NUDT19: variants seen among roughly 807,000 people sequenced by gnomAD.
NUDT19 encodes the protein acyl-coenzyme A diphosphatase NUDT19.
A neutral mutation model predicts 22.2 loss-of-function variants in NUDT19; 31 were observed. The ratio of observed to expected loss-of-function variants is 1.40; its 90% CI spans 1.05 to 1.89. NUDT19 has a LOEUF of 1.89. NUDT19 is among the 40% of genes most tolerant of loss of function. The probability of loss-of-function intolerance (pLI) is 0.00; values close to 1 mark genes in which losing one functional copy is unlikely to be tolerated. For missense variants in NUDT19, 752 were observed against 514.2 expected, an observed-to-expected ratio of 1.46 and a Z score of -4.47; for synonymous variants, 325 against 230.8, an observed-to-expected ratio of 1.41 and a Z score of -3.70.
intron 1 of NUDT19, 25 bp from the exon 2 acceptor site, chr19:32,709,160 G>C (rs748857899): frequency 1.9e-5 from 29 of 1,550,058 alleles, no homozygotes; most frequent in Non-Finnish European, 2.6e-5. Flanking sequence ...TAAACCTTAA[G>C]AAACCCTGCC....
At chr19:32,707,425 T>C (rs141428752) in intron 1 of NUDT19, among the ~76,000 whole-genome samples, 10 of 152,340 alleles carry the variant, frequency 6.6e-5, no homozygotes, top group African/African-American at 9.6e-5. Flanking sequence ...TGTTTAAGCA[T>C]GTACGAGCTT....
chr19:32,700,888 A>C (rs1968327856), intron 1 of NUDT19, among the ~76,000 whole-genome samples: 1 of 152,040 alleles, frequency 6.6e-6, no homozygotes, highest in Non-Finnish European at 1.5e-5. Flanking sequence ...AAAATTTTAA[A>C]ACTTAGCTGG....
intron 1 of NUDT19, among the ~76,000 whole-genome samples, chr19:32,696,324 AAGAC>A (rs1462752306): frequency 6.6e-6 from 1 of 152,182 alleles, no homozygotes; most frequent in African/African-American, 2.4e-5. Context: ...CTCTGACACT[AAGAC>A]AGCCACTGCC....
chr19:32,709,099 T>G, intron 1 of NUDT19, 86 bp from the exon 2 acceptor site: 1 of 868,632 alleles, frequency 1.2e-6, no homozygotes, highest in Non-Finnish European at 2.0e-6. Flanking sequence ...CACATTCAGT[T>G]CTACCTTAGG....
At chr19:32,698,982 T>G (rs1968299385) in intron 1 of NUDT19, among the ~76,000 whole-genome samples, 1 of 152,176 alleles carries the variant, frequency 6.6e-6, no homozygotes. Flanking sequence ...AAGCCTTTTA[T>G]CCCCAGTTAT....
At chr19:32,699,364 A>T (rs1456331352) in intron 1 of NUDT19, among the ~76,000 whole-genome samples, 1 of 152,176 alleles carries the variant, frequency 6.6e-6, no homozygotes, top group African/African-American at 2.4e-5. Context: ...GTGCGACGTG[A>T]CTTTCAGAGT....
chr19:32,697,592 A>ATACTGACT (rs1425864777), intron 1 of NUDT19, among the ~76,000 whole-genome samples: 1 of 152,214 alleles, frequency 6.6e-6, no homozygotes, highest in Non-Finnish European at 1.5e-5. Flanking sequence ...GTGGGGATCC[A>ATACTGACT]TACTGACTTA....
At position 32,711,937 on chromosome 19, in the gene NUDT19, G is replaced by A. The variant is rs746527731; in HGVS notation, c.1108G>A (p.Val370Ile). 2.0e-5 allele frequency: 32 copies of A among 1,613,244 alleles called. No individual in the cohort carries two copies. The highest frequency in any genetic ancestry group is 2.7e-5 in the Non-Finnish European group (32 of 1,179,446). ...ACACGTTTATCCTAAGAACTCTGTA[G>A]TAAGAAAAAGCCATTTGTAGGGTGC... ...YKHVYPKNSVVRKSHL is the reference protein window; with the variant it reads ...YKHVYPKNSVIRKSHL Residue 370 changes from valine (V) to isoleucine (I), a missense_variant, in exon 3 of 3, where the codon GTA (valine) becomes ATA (isoleucine). Physicochemically the swap from Val to Ile is conservative, Grantham distance 29. Coordinates refer to ENST00000397061, the MANE Select transcript of NUDT19 (RefSeq NM_001105570.2).
At chr19:32,707,955 G>A (rs34159717) in intron 1 of NUDT19, among the ~76,000 whole-genome samples, 39,215 of 149,920 alleles carry the variant, frequency 0.26, 5,306 homozygotes, top group Middle Eastern at 0.31. Context: ...TCCAGCCTGG[G>A]AGACAGAGCA....
At chr19:32,709,506 C>T (rs10427129) in intron 2 of NUDT19, 114 bp downstream of exon 2, 30,558 of 815,640 alleles carry the variant, frequency 0.037, 1,151 homozygotes, top group African/African-American at 0.11. Context: ...TTGTAATCTA[C>T]AGGGTATTAG....
chr19:32,708,482 C>G (rs1050997034), intron 1 of NUDT19, among the ~76,000 whole-genome samples: 6 of 151,926 alleles, frequency 3.9e-5, no homozygotes, highest in African/African-American at 1.2e-4. Flanking sequence ...TGAATCAGCT[C>G]TTTTTATCTA....
Position 32,692,682 on chromosome 19 carries a change from CTGCT to C in NUDT19, c.714+9_714+12del, listed in dbSNP as rs777273962. 1.4e-6 allele frequency: 2 copies of C among 1,464,566 alleles called. No homozygotes were observed. Among genetic ancestry groups the C allele is most frequent in the South Asian group, 2.8e-5 (2 of 70,450 alleles). The allele number at this position is 1,464,566 out of a possible 1,614,324, so 90.7% of individuals were successfully genotyped here. A position where few individuals can be genotyped will look rare whatever the true frequency, so the allele number is the denominator to read the frequency against. ...GAGGTGGTGGGCTACCAGGTAAGGC[CTGCT>C]CAGGGCCTTGCTGCGGACCGCCAGG... On this transcript the variant is annotated intron_variant, in intron 1 of 2. Coordinates refer to ENST00000397061, the MANE Select transcript of NUDT19 (RefSeq NM_001105570.2).
intron 1 of NUDT19, among the ~76,000 whole-genome samples, chr19:32,693,965 C>T (rs1251585736): frequency 6.6e-6 from 1 of 152,200 alleles, no homozygotes; most frequent in Non-Finnish European, 1.5e-5. Context: ...TTGTAGTGTC[C>T]TCCAGAGGGG....
intron 1 of NUDT19, among the ~76,000 whole-genome samples, chr19:32,707,694 T>C (rs1437718491): frequency 6.6e-6 from 1 of 150,898 alleles, no homozygotes; most frequent in African/African-American, 2.4e-5. Context: ...GATACAAAAA[T>C]TAGGCCGGGC....
chr19:32,701,715 T>C (rs568998276), intron 1 of NUDT19, among the ~76,000 whole-genome samples: 24 of 152,364 alleles, frequency 1.6e-4, no homozygotes, highest in Admixed American at 1.2e-3. Flanking sequence ...TTATGAAATA[T>C]CCTTCTTTAT....
Position 32,712,050 on chromosome 19 carries a change from G to C in NUDT19, c.*93G>C. 1 of 845,380 alleles carries C rather than the reference G, an allele frequency of 1.2e-6. No individual in the cohort carries two copies. The highest frequency in any genetic ancestry group is 2.0e-6 in the Non-Finnish European group (1 of 504,280). The allele number at this position is 845,380 out of a possible 1,614,324, so 52.4% of individuals were successfully genotyped here. On this transcript the variant is annotated 3_prime_UTR_variant, in exon 3 of 3. Transcript: ENST00000397061. ...TTGCTTGAAACTTAAGGAAGTTTGT[G>C]CCTATAAAAGTTACTGCAATTCAGT... is the stretch of plus-strand genomic sequence containing the variant.
chr19:32,708,327 T>C (rs935968773), intron 1 of NUDT19, among the ~76,000 whole-genome samples: 2 of 149,160 alleles, frequency 1.3e-5, no homozygotes, highest in African/African-American at 5.0e-5. Flanking sequence ...CTTGGGAGGC[T>C]GAGGCAGGAG....
intron 1 of NUDT19, among the ~76,000 whole-genome samples, chr19:32,695,570 C>T (rs1315779745): frequency 6.6e-6 from 1 of 152,122 alleles, no homozygotes; most frequent in Admixed American, 6.6e-5. Flanking sequence ...CCTCTCTTTC[C>T]TTCTGTCTTT....
intron 1 of NUDT19, among the ~76,000 whole-genome samples, chr19:32,701,056 T>G (rs1968329808): frequency 2.0e-5 from 3 of 151,446 alleles, no homozygotes; most frequent in Admixed American, 2.0e-4. Context: ...AAAAAAAAAT[T>G]ATTGAGACTT....
Sources: gnomAD v4.1 joint callset for allele counts (sites outside exome capture counted in the v4.1 genomes callset) on GRCh38, gnomAD v4.1.1 for gene constraint, MANE v1.5 for transcripts, NCBI Gene and HGNC (gene_info 2026-07-23, HGNC 2026-07-21) for gene names.